Variants in KIAA1217 observed in about 807,000 individuals in gnomAD.
KIAA1217 encodes the protein KIAA1217, also known as sickle tail protein homolog.
Under a neutral mutation model 163.9 loss-of-function variants are expected in KIAA1217, and 88 were observed. That is an observed-to-expected ratio of 0.54 (90% CI 0.45 to 0.64). The LOEUF (loss-of-function observed/expected upper bound fraction) is 0.64. Ranked by LOEUF, KIAA1217 falls within the 30% of genes least tolerant of loss-of-function variation. The pLI is 0.00. For missense variants in KIAA1217, 2,372 were observed against 2,475.0 expected (o/e 0.96, Z 0.88); for synonymous variants, 903 against 923.1 (o/e 0.98, Z 0.39).
intron 1 of KIAA1217, among the ~76,000 whole-genome samples, chr10:23,759,931 A>G (rs889276851): frequency 1.3e-5 from 2 of 152,374 alleles, no homozygotes; most frequent in East Asian, 3.9e-4. Flanking sequence ...TACTTATAGT[A>G]AAGGGAGGAA....
At chr10:24,498,239 A>G (rs1268877592) in intron 8 of KIAA1217, among the ~76,000 whole-genome samples, 1 of 152,130 alleles carries the variant, frequency 6.6e-6, no homozygotes, top group Non-Finnish European at 1.5e-5. Context: ...TCAGGATTTA[A>G]AAGGTTGGCA....
At chr10:24,502,082 C>T (rs1199432496) in intron 9 of KIAA1217, among the ~76,000 whole-genome samples, 3 of 151,952 alleles carry the variant, frequency 2.0e-5, no homozygotes, top group East Asian at 1.9e-4. Flanking sequence ...CGTACTTTTA[C>T]GCAGGAAGAG....
At chr10:24,092,604 G>T (rs896180781) in intron 2 of KIAA1217, among the ~76,000 whole-genome samples, 8 of 151,710 alleles carry the variant, frequency 5.3e-5, no homozygotes, top group Admixed American at 5.2e-4. Context: ...TCATGCAATA[G>T]CTTGAATGAT....
intron 1 of KIAA1217, among the ~76,000 whole-genome samples, chr10:23,782,588 A>G (rs1267144015): frequency 6.6e-6 from 1 of 152,276 alleles, no homozygotes; most frequent in East Asian, 1.9e-4. Flanking sequence ...ATGAGCGAAC[A>G]CACCTGGCTG....
chr10:24,426,566 A>C (rs1156384838), intron 3 of KIAA1217, among the ~76,000 whole-genome samples: 2 of 152,176 alleles, frequency 1.3e-5, no homozygotes, highest in Admixed American at 1.3e-4. Context: ...GTGACGTTGC[A>C]GTGAGCCGAG....
At chr10:23,740,108 A>C (rs1222850798) in intron 1 of KIAA1217, among the ~76,000 whole-genome samples, 1 of 152,156 alleles carries the variant, frequency 6.6e-6, no homozygotes, top group Non-Finnish European at 1.5e-5. Flanking sequence ...TGGATACACC[A>C]ATCTGAAGCT....
chr10:24,500,414 G>GTGTGTC (rs1188364560), intron 8 of KIAA1217, among the ~76,000 whole-genome samples: 1 of 151,860 alleles, frequency 6.6e-6, no homozygotes, highest in Non-Finnish European at 1.5e-5. Context: ...GTGTGTGTGT[G>GTGTGTC]TGTGTGTCTT....
At chr10:24,455,487 T>C (rs942485731) in intron 5 of KIAA1217, among the ~76,000 whole-genome samples, 1 of 152,234 alleles carries the variant, frequency 6.6e-6, no homozygotes, top group Non-Finnish European at 1.5e-5. Context: ...TCAAGAACCA[T>C]GCTAAAGCAC....
At chr10:24,072,950 C>G (rs2061237924) in intron 2 of KIAA1217, among the ~76,000 whole-genome samples, 1 of 151,564 alleles carries the variant, frequency 6.6e-6, no homozygotes, top group Non-Finnish European at 1.5e-5. Context: ...CCCAGCTACT[C>G]AGGAGGCTGC....
rs768342692 is a variant in KIAA1217, at chr10:24,416,227, A to G, written c.554-16768A>G. On this transcript the variant is annotated intron_variant, in intron 3 of 20. Coordinates refer to ENST00000376454, the MANE Select transcript of KIAA1217 (RefSeq NM_019590.5). ...ATGGTAACAAAAGTTGTTCCCCAAT[A>G]TATAAACTTTGGATACCCTAAAAGC... 3.2e-4 allele frequency among the ~76,000 whole-genome samples: 49 copies of G among 152,216 alleles called. 1 individual carries two copies. Among genetic ancestry groups the G allele is most frequent in the Admixed American group, 1.6e-3 (25 of 15,280 alleles).
chr10:24,281,269 T>G (rs2077891156), intron 2 of KIAA1217, among the ~76,000 whole-genome samples: 1 of 152,214 alleles, frequency 6.6e-6, no homozygotes, highest in Non-Finnish European at 1.5e-5. Flanking sequence ...TTCATTTTTT[T>G]GCCATCGTTT....
At chr10:24,479,023 C>A (rs555898683) in intron 6 of KIAA1217, among the ~76,000 whole-genome samples, 1 of 152,156 alleles carries the variant, frequency 6.6e-6, no homozygotes, top group Non-Finnish European at 1.5e-5. Context: ...CAGCTACATT[C>A]GACAAATTAG....
At chr10:23,792,336 G>A (rs917072599) in intron 1 of KIAA1217, among the ~76,000 whole-genome samples, 4 of 152,178 alleles carry the variant, frequency 2.6e-5, no homozygotes, top group African/African-American at 7.2e-5. Context: ...TTTGCAAAGT[G>A]AGGAATACAT....
chr10:23,894,947 G>C (rs990926277), intron 1 of KIAA1217, among the ~76,000 whole-genome samples: 1 of 152,092 alleles, frequency 6.6e-6, no homozygotes, highest in African/African-American at 2.4e-5. Context: ...TATGTAGAAA[G>C]CTGAAACTGG....
chr10:24,428,475 G>T (rs971249547), intron 3 of KIAA1217, among the ~76,000 whole-genome samples: 1 of 152,194 alleles, frequency 6.6e-6, no homozygotes, highest in Non-Finnish European at 1.5e-5. Context: ...TGAAGGGACT[G>T]CTCTAGTCAA....
chr10:24,188,909 T>C (rs910002475), intron 2 of KIAA1217, among the ~76,000 whole-genome samples: 1 of 151,828 alleles, frequency 6.6e-6, no homozygotes, highest in Admixed American at 6.6e-5. Flanking sequence ...ATCGAGACCA[T>C]CCTGGCTAAC....
At chr10:24,521,593 G>C (rs1376177257) in intron 11 of KIAA1217, among the ~76,000 whole-genome samples, 189 bp from the exon 12 acceptor site, 2 of 152,174 alleles carry the variant, frequency 1.3e-5, no homozygotes, top group Non-Finnish European at 2.9e-5. Context: ...GCCTAGAGGA[G>C]CTTTACCCTT....
intron 2 of KIAA1217, among the ~76,000 whole-genome samples, chr10:24,099,536 A>G (rs1589493267): frequency 6.7e-6 from 1 of 149,202 alleles, no homozygotes; most frequent in East Asian, 2.0e-4. Context: ...ATGGCTGCAT[A>G]GTATTCCATG....
At chr10:23,734,648 A>G (rs528428528) in intron 1 of KIAA1217, among the ~76,000 whole-genome samples, 20 of 152,062 alleles carry the variant, frequency 1.3e-4, no homozygotes, top group African/African-American at 4.6e-4. Context: ...TGATTTTATT[A>G]TTTTTTGGAT....
Sources: gnomAD v4.1 joint callset for allele counts (sites outside exome capture counted in the v4.1 genomes callset) on GRCh38, gnomAD v4.1.1 for gene constraint, MANE v1.5 for transcripts, NCBI Gene and HGNC (gene_info 2026-07-23, HGNC 2026-07-21) for gene names.